The following PDLIM7 variants were observed in gnomAD, a reference collection of about 807,000 sequenced individuals.
PDLIM7 encodes the protein PDZ and LIM domain protein 7.
A neutral mutation model predicts 53.9 loss-of-function variants in PDLIM7; 37 were observed. The observed-to-expected ratio is 0.69, with a 90% confidence interval of 0.53 to 0.90. The LOEUF (loss-of-function observed/expected upper bound fraction) is 0.90. PDLIM7 is among the 40% of genes least tolerant of loss of function. PDLIM7 has a pLI of 0.00. For synonymous variants in PDLIM7, 300 were observed against 261.3 expected (o/e 1.15, Z -1.43); for missense variants, 617 against 638.5 (o/e 0.97, Z 0.36).
chr5:177,489,897 C>G (rs1758659785), intron 7 of PDLIM7, 65 bp from the exon 8 acceptor site: 1 of 1,543,566 alleles, frequency 6.5e-7, no homozygotes, highest in Non-Finnish European at 8.7e-7. Context: ...ACCCCCCAAC[C>G]TGGGTCCTGC....
Position 177,490,557 on chromosome 5 carries a change from G to A in PDLIM7, c.572+313C>T, listed in dbSNP as rs750258720. On this transcript the variant is annotated intron_variant, in intron 7 of 12. Transcript: ENST00000355841. ...GGTGGTGCCAGTCCCGGAGGCGGGT[G>A]TAGCGTGGGCTCTGCAGCTCCAGGA... 42 of 1,563,382 alleles carry A rather than the reference G, an allele frequency of 2.7e-5. 1 individual carries two copies. In the Admixed American group the frequency reaches 7.2e-4, roughly 27 times the overall value.
intron 7 of PDLIM7, 158 bp downstream of exon 7, chr5:177,490,704 AGGAGGAAG>A (rs1250483277): frequency 1.1e-6 from 1 of 905,216 alleles, no homozygotes; most frequent in East Asian, 2.7e-5. Context: ...GAAGGAAGGA[AGGAGGAAG>A]GGAAGGAAGG....
chr5:177,494,506 T>C (rs1338024377), intron 2 of PDLIM7, among the ~76,000 whole-genome samples: 1 of 126,496 alleles, frequency 7.9e-6, no homozygotes, highest in African/African-American at 3.1e-5. Context: ...CTGGGAGCTG[T>C]GGGCTGAGCC....
chr5:177,491,057 TGGCCTGTCCCC>T lies in PDLIM7; in HGVS notation c.477_487del (p.Gly160ValfsTer21). 1 of 1,611,966 alleles carries T rather than the reference TGGCCTGTCCCC, an allele frequency of 6.2e-7. No homozygotes were observed. Among genetic ancestry groups the T allele is most frequent in the Non-Finnish European group, 8.5e-7 (1 of 1,179,280 alleles). On this transcript the variant is annotated frameshift_variant, in exon 6 of 13. Coordinates refer to ENST00000355841, the MANE Select transcript of PDLIM7 (RefSeq NM_005451.5). LOFTEE classifies it high-confidence loss of function. ...GGCAAGGATGCGGAAGGAACGCGACTGGCCTGTCCCCGGCCGCGGCCGCCAGTCCTCTGTGT... is the reference window on the plus strand; with the variant it reads ...GGCAAGGATGCGGAAGGAACGCGACTGGCCGCGGCCGCCAGTCCTCTGTGT...
chr5:177,484,429 C>T (rs1039632354), intron 10 of PDLIM7: 7 of 510,100 alleles, frequency 1.4e-5, no homozygotes, highest in Non-Finnish European at 2.1e-5. Context: ...CCAAACCTCT[C>T]CTCCCACAGC....
At chr5:177,491,192 T>A in intron 5 of PDLIM7, 46 bp from the exon 6 acceptor site, 1 of 605,272 alleles carries the variant, frequency 1.7e-6, no homozygotes, top group South Asian at 1.9e-5. Flanking sequence ...GGGTGGGCGG[T>A]GGGGGCAGCC....
intron 2 of PDLIM7, among the ~76,000 whole-genome samples, chr5:177,493,839 T>G (rs1340845332): frequency 1.3e-5 from 2 of 150,516 alleles, no homozygotes; most frequent in African/African-American, 2.4e-5. Flanking sequence ...TCTGGGGGGG[T>G]CCAGGCTGCC....
At chr5:177,495,163 C>CT (rs1759004963) in intron 2 of PDLIM7, 1 of 152,424 alleles carries the variant, frequency 6.6e-6, no homozygotes, top group African/African-American at 2.4e-5. Flanking sequence ...TGTGTGAGGG[C>CT]TATGTAGTGG....
intron 10 of PDLIM7, among the ~76,000 whole-genome samples, chr5:177,486,787 T>A (rs60156661): frequency 1.3e-5 from 2 of 150,056 alleles, no homozygotes; most frequent in Non-Finnish European, 3.0e-5. Flanking sequence ...TACTCCACCA[T>A]GCCCGGCCAA....
rs151221452 is a variant in PDLIM7, at chr5:177,485,519, C to A, written c.1051-1329G>T. On this transcript the variant is annotated intron_variant, in intron 10 of 12. Coordinates refer to ENST00000355841, the MANE Select transcript of PDLIM7 (RefSeq NM_005451.5). ...TGTGAACTGGGAAGCTAATCCCAGC[C>A]TTGTGAGGCTGTTATGAGGATGGCC... Among the ~76,000 whole-genome samples the A allele has an allele frequency of 7.2e-5, 11 of 152,350 alleles. No homozygotes were observed. The East Asian group carries it at 1.9e-3, about 27-fold the overall frequency.
chr5:177,490,870 C>T lies in PDLIM7; in HGVS notation c.572G>A (p.Ser191Asn), dbSNP rs1758733400. 6.2e-7 allele frequency: 1 copy of T among 1,614,028 alleles called. No homozygotes were observed. Among genetic ancestry groups the T allele is most frequent in the Non-Finnish European group, 8.5e-7 (1 of 1,179,968 alleles). The change falls in exon 7 of 13, where the codon AGC (serine) becomes AAC (asparagine). Residue 191 changes from serine (S) to asparagine (N), a missense_variant and splice_region_variant. By Grantham distance (46) the Ser-to-Asn change is conservative. Transcript: ENST00000355841. ...GAGGGGCTGGTGCCCGTCCCTGTAC[C>T]TTGATTTCTTCAGGTGCTCCTCATC... Reference protein sequence around the residue: ...DPDEEHLKKSSQVPRTEAPAP... With the variant: ...DPDEEHLKKSNQVPRTEAPAP...
At position 177,483,900 on chromosome 5, in the gene PDLIM7, G is replaced by A. The variant is rs368474399; in HGVS notation, c.1254C>T (p.Gly418=). 4.3e-6 allele frequency: 7 copies of A among 1,613,692 alleles called. No individual in the cohort carries two copies. Among genetic ancestry groups the A allele is most frequent in the African/African-American group, 2.7e-5 (2 of 74,908 alleles). The change falls in exon 12 of 13, where the codon GGC becomes GGT. Residue 418 remains glycine, a synonymous_variant. Coordinates refer to ENST00000355841, the MANE Select transcript of PDLIM7 (RefSeq NM_005451.5). ...DAGDRFLEAL[G]FSWHDTCFVC... is the part of the protein sequence containing the mutation. ...CGAAGCAGGTGTCATGCCAGCTGAA[G>A]CCCAGGGCCTCCAGGAAGCGGTCCC... is the stretch of plus-strand genomic sequence containing the variant.
chr5:177,493,380 T>C (rs1437863161), intron 2 of PDLIM7, among the ~76,000 whole-genome samples: 1 of 152,160 alleles, frequency 6.6e-6, no homozygotes, highest in Non-Finnish European at 1.5e-5. Flanking sequence ...TCCTTCAGGC[T>C]CTTGAGCTGG....
intron 7 of PDLIM7, chr5:177,490,380 C>T: frequency 6.8e-7 from 1 of 1,478,632 alleles, no homozygotes; most frequent in Admixed American, 2.2e-5. Flanking sequence ...GAGGCTCAGG[C>T]CAGGGGCACG....
intron 9 of PDLIM7, among the ~76,000 whole-genome samples, chr5:177,488,589 C>A (rs1291004312): frequency 6.6e-6 from 1 of 152,190 alleles, no homozygotes; most frequent in Non-Finnish European, 1.5e-5. Context: ...TTCTACCTGG[C>A]AAGAGCTGAT....
rs989463553 is a variant in PDLIM7, at chr5:177,483,750, A to G, written c.1288-20T>C. The G allele has an allele frequency of 1.4e-5, 22 of 1,602,462 alleles. No homozygotes were observed. The highest frequency in any genetic ancestry group is 1.9e-5 in the Non-Finnish European group (22 of 1,169,868). On this transcript the variant is annotated intron_variant, in intron 12 of 12. Coordinates refer to ENST00000355841, the MANE Select transcript of PDLIM7 (RefSeq NM_005451.5). ...ACATATCTAAGGACAGCAAAGGCCC[A>G]GTCACATGGGGTTGGGGGCAGCAGG...
intron 7 of PDLIM7, 123 bp from the exon 8 acceptor site, chr5:177,489,955 T>C: frequency 6.5e-7 from 1 of 1,536,834 alleles, no homozygotes; most frequent in Non-Finnish European, 8.7e-7. Flanking sequence ...CGAGTTGGAT[T>C]CCAGGTCCCA....
chr5:177,486,158 A>G (rs1203043128), intron 10 of PDLIM7, among the ~76,000 whole-genome samples: 1 of 151,796 alleles, frequency 6.6e-6, no homozygotes, highest in Non-Finnish European at 1.5e-5. Context: ...GGCTCAAGCA[A>G]TCCTCCCACC....
intron 7 of PDLIM7, chr5:177,490,438 C>G: frequency 1.3e-6 from 2 of 1,530,228 alleles, no homozygotes. Context: ...AGGGGGTGCC[C>G]TGGGCAGGAG....
Sources: allele counts gnomAD v4.1 joint callset (sites outside exome capture counted in the v4.1 genomes callset), GRCh38; gene constraint gnomAD v4.1.1; transcripts MANE v1.5; gene names NCBI Gene and HGNC (gene_info 2026-07-23, HGNC 2026-07-21).